Variants in TMEM131L observed in about 807,000 individuals in gnomAD.
TMEM131L encodes transmembrane 131 like, also known as transmembrane protein 131-like.
Under a neutral mutation model 192.2 loss-of-function variants are expected in TMEM131L, and 54 were observed. The observed-to-expected ratio is 0.28, with a 90% CI of 0.23 to 0.35. The LOEUF (loss-of-function observed/expected upper bound fraction) is 0.35, where lower values mean the gene tolerates loss of function less well. Among genes scored for constraint, TMEM131L ranks in the 10% least tolerant of loss-of-function variants. The pLI is 1.00. For synonymous variants in TMEM131L, 701 were observed against 704.9 expected (o/e 0.99, Z 0.09); for missense variants, 1,888 against 1,972.9 (o/e 0.96, Z 0.82).
chr4:153,571,902 G>A (rs1438523583), intron 7 of TMEM131L, among the ~76,000 whole-genome samples: 1 of 152,190 alleles, frequency 6.6e-6, no homozygotes, highest in Non-Finnish European at 1.5e-5. Context: ...GATCTTGCCT[G>A]TCTTCCTTTA....
At chr4:153,571,223 G>T (rs1057464331) in intron 7 of TMEM131L, among the ~76,000 whole-genome samples, 1 of 152,138 alleles carries the variant, frequency 6.6e-6, no homozygotes, top group East Asian at 1.9e-4. Context: ...TGTCAGCCCA[G>T]TATCCCAGTC....
chr4:153,572,491 C>T (rs1013747012), intron 7 of TMEM131L, among the ~76,000 whole-genome samples: 1 of 152,024 alleles, frequency 6.6e-6, no homozygotes, highest in African/African-American at 2.4e-5. Context: ...TGACCACGCC[C>T]AGCTAATTTT....
intron 2 of TMEM131L, among the ~76,000 whole-genome samples, chr4:153,470,066 A>G (rs894900609): frequency 5.3e-5 from 8 of 151,972 alleles, no homozygotes; most frequent in African/African-American, 1.7e-4. Context: ...TAAGTGATCA[A>G]GACTAACTTA....
Position 153,586,744 on chromosome 4 carries a change from G to A in TMEM131L, c.1482+365G>A, listed in dbSNP as rs532938132. On this transcript the variant is annotated intron_variant, in intron 14 of 34. Coordinates refer to ENST00000409959, the MANE Select transcript of TMEM131L (RefSeq NM_001131007.2). ...TTGCAATGACTTAATAAATTAAATT[G>A]TTAAATGCTTTATTTGGATCTCTTC... is the stretch of plus-strand genomic sequence containing the variant. Among the ~76,000 whole-genome samples the A allele has an allele frequency of 7.9e-5, 12 of 152,240 alleles. No individual in the cohort carries two copies. In the South Asian group the frequency reaches 2.5e-3, roughly 32 times the overall value.
chr4:153,602,288 T>C lies in TMEM131L; in HGVS notation c.2403T>C (p.Asp801=), dbSNP rs1397233617. 2 of 1,613,754 alleles carry C rather than the reference T, an allele frequency of 1.2e-6. No homozygotes were observed. Among genetic ancestry groups the C allele is most frequent in the Non-Finnish European group, 1.7e-6 (2 of 1,179,930 alleles). ...AAGGTTATGGATTCGAGGTGCTGGA[T>C]TGTCATCAGTTTTCCCTGGACCCAA... ...NCQGYGFEVL[D]CHQFSLDPNT... The change falls in exon 22 of 35, where the codon GAT becomes GAC. Residue 801 remains aspartate, a synonymous_variant. Transcript: ENST00000409959.
At chr4:153,615,649 T>C (rs1732924783) in intron 26 of TMEM131L, among the ~76,000 whole-genome samples, 1 of 152,222 alleles carries the variant, frequency 6.6e-6, no homozygotes, top group Middle Eastern at 3.2e-3. Flanking sequence ...GAACTTAACA[T>C]CCTTTTGATA....
intron 7 of TMEM131L, among the ~76,000 whole-genome samples, chr4:153,574,172 T>A (rs1479660052): frequency 1.3e-5 from 2 of 152,252 alleles, no homozygotes; most frequent in Non-Finnish European, 2.9e-5. Context: ...GGAAAAATGC[T>A]ATCCATATGC....
At chr4:153,563,859 T>C (rs1285982062) in intron 7 of TMEM131L, among the ~76,000 whole-genome samples, 5 of 152,174 alleles carry the variant, frequency 3.3e-5, no homozygotes, top group Admixed American at 3.3e-4. Context: ...CACAAAGATA[T>C]GCATTCAGTT....
Position 153,467,266 on chromosome 4 carries a change from CCTG to C in TMEM131L, c.185_187del (p.Leu62del). ...TGTGGCAGGCAGAAGAAGGGGAACT[CCTG>C]CTGCCCACTCAGGTGAGGACGACCA... On this transcript the variant is annotated inframe_deletion, in exon 2 of 35. Transcript: ENST00000409959. The C allele has an allele frequency of 6.4e-7, 1 of 1,551,642 alleles. No individual in the cohort carries two copies. Among genetic ancestry groups the C allele is most frequent in the Non-Finnish European group, 8.7e-7 (1 of 1,146,926 alleles).
intron 3 of TMEM131L, among the ~76,000 whole-genome samples, chr4:153,546,721 A>G (rs1737204082): frequency 6.6e-6 from 1 of 152,216 alleles, no homozygotes; most frequent in Non-Finnish European, 1.5e-5. Flanking sequence ...TGAGGTCAGG[A>G]GTTTGAGACC....
At chr4:153,530,531 C>T (rs1378851103) in intron 3 of TMEM131L, among the ~76,000 whole-genome samples, 4 of 152,204 alleles carry the variant, frequency 2.6e-5, no homozygotes, top group East Asian at 3.9e-4. Flanking sequence ...GCTGCATAGG[C>T]GTAGTTTGAA....
rs369489710 is a variant in TMEM131L at position 153,604,108 on chromosome 4, C to T, written c.3096C>T (p.Ser1032=). 4.2e-5 allele frequency: 68 copies of T among 1,614,146 alleles called. No homozygotes were observed. The African/African-American group carries it at 7.9e-4, about 19-fold the overall frequency. The change falls in exon 25 of 35, where the codon AGC becomes AGT. Residue 1032 remains serine, a synonymous_variant. Transcript: ENST00000409959. The part of the protein sequence containing the change: ...CTDAMRENWI[S]LRYASGINVN... ...ATGCCATGCGTGAGAACTGGATCAG[C>T]CTCAGATATGCAAGTGGCATAAATG... is the stretch of plus-strand genomic sequence containing the variant.
intron 3 of TMEM131L, among the ~76,000 whole-genome samples, chr4:153,529,378 A>G (rs1735729844): frequency 6.6e-6 from 1 of 152,146 alleles, no homozygotes; most frequent in African/African-American, 2.4e-5. Flanking sequence ...TTGTGGGTGT[A>G]CCTGTTTCAT....
chr4:153,501,586 G>A (rs1464414584), intron 3 of TMEM131L, among the ~76,000 whole-genome samples: 1 of 152,066 alleles, frequency 6.6e-6, no homozygotes, highest in African/African-American at 2.4e-5. Flanking sequence ...GGGTATGTGT[G>A]CAGGTGTTGT....
intron 4 of TMEM131L, among the ~76,000 whole-genome samples, chr4:153,553,705 C>T (rs886730900): frequency 4.6e-5 from 7 of 152,130 alleles, no homozygotes; most frequent in African/African-American, 7.2e-5. Context: ...GTTGTAAAAT[C>T]GGGATCTTGT....
intron 3 of TMEM131L, among the ~76,000 whole-genome samples, chr4:153,480,254 G>A (rs531293673): frequency 3.3e-5 from 5 of 152,192 alleles, no homozygotes; most frequent in East Asian, 1.9e-4. Context: ...CAGGAGAATG[G>A]CATGAACCCG....
At chr4:153,560,342 C>T (rs1171784257) in intron 7 of TMEM131L, among the ~76,000 whole-genome samples, 2 of 152,294 alleles carry the variant, frequency 1.3e-5, no homozygotes, top group African/African-American at 4.8e-5. Context: ...CCTCACAGGC[C>T]ACGTCTCTGT....
chr4:153,548,670 GGA>G (rs1330375808), intron 3 of TMEM131L, among the ~76,000 whole-genome samples: 9 of 152,162 alleles, frequency 5.9e-5, no homozygotes, highest in Admixed American at 4.6e-4. Context: ...AGACTATAAT[GGA>G]GAGAGGATAG....
intron 7 of TMEM131L, among the ~76,000 whole-genome samples, chr4:153,570,308 G>A (rs1012057222): frequency 1.3e-5 from 2 of 152,150 alleles, no homozygotes; most frequent in Admixed American, 1.3e-4. Flanking sequence ...CTAGTACTTC[G>A]ATTTACCAAA....
Sources: allele counts gnomAD v4.1 joint callset (sites outside exome capture counted in the v4.1 genomes callset), GRCh38; gene constraint gnomAD v4.1.1; transcripts MANE v1.5; gene names NCBI Gene and HGNC (gene_info 2026-07-23, HGNC 2026-07-21).